The following PDCD6IP variants were observed in gnomAD, a reference collection of about 807,000 sequenced individuals.
PDCD6IP encodes the protein programmed cell death 6-interacting protein.
Under a neutral mutation model 103.7 loss-of-function variants are expected in PDCD6IP, and 43 were observed. That is an observed-to-expected ratio of 0.41 (90% CI 0.32 to 0.53). The LOEUF is 0.53. PDCD6IP is among the 20% of genes least tolerant of loss of function. The pLI, the probability that PDCD6IP is intolerant of heterozygous loss-of-function variation, is 0.16. For missense variants in PDCD6IP, 871 were observed against 1,036.7 expected (o/e 0.84, Z 2.20); for synonymous variants, 354 against 378.7 (o/e 0.93, Z 0.76).
At chr3:33,822,226 C>T (rs1575913574) in intron 4 of PDCD6IP, 144 bp downstream of exon 4, 1 of 831,302 alleles carries the variant, frequency 1.2e-6, no homozygotes, top group African/African-American at 1.7e-5. Context: ...TTTATTCTTA[C>T]TGTTAAAGCC....
At chr3:33,833,652 T>G (rs933483480) in intron 7 of PDCD6IP, among the ~76,000 whole-genome samples, 2 of 152,186 alleles carry the variant, frequency 1.3e-5, no homozygotes, top group Non-Finnish European at 2.9e-5. Context: ...CTTAAGTGTT[T>G]TAGTTTAGTT....
At chr3:33,833,587 C>A (rs1392653427) in intron 7 of PDCD6IP, among the ~76,000 whole-genome samples, 1 of 152,128 alleles carries the variant, frequency 6.6e-6, no homozygotes, top group Non-Finnish European at 1.5e-5. Flanking sequence ...TTGGCTATCA[C>A]TCACTCTGGT....
At chr3:33,857,037 A>G (rs528369772) in intron 15 of PDCD6IP, among the ~76,000 whole-genome samples, 10 of 152,200 alleles carry the variant, frequency 6.6e-5, no homozygotes, top group Non-Finnish European at 1.3e-4. Context: ...GTTCATGTTC[A>G]TTCACCTCTC....
chr3:33,835,940 T>G (rs1422071891), intron 7 of PDCD6IP, 104 bp from the exon 8 acceptor site: 21 of 682,990 alleles, frequency 3.1e-5, no homozygotes, highest in Admixed American at 1.7e-4. Context: ...GTCTTCAGAT[T>G]AAAGATTTTT....
chr3:33,807,864 T>G (rs559826598), intron 1 of PDCD6IP, among the ~76,000 whole-genome samples: 18 of 152,328 alleles, frequency 1.2e-4, no homozygotes, highest in African/African-American at 4.1e-4. Context: ...AATATCACTG[T>G]TCAGAAAAAG....
chr3:33,813,668 A>C, intron 3 of PDCD6IP, 40 bp downstream of exon 3: 2 of 1,130,732 alleles, frequency 1.8e-6, no homozygotes, highest in East Asian at 4.7e-5. Flanking sequence ...AAATTGGTCT[A>C]ACTACTTTGC....
intron 4 of PDCD6IP, 71 bp from the exon 5 acceptor site, chr3:33,825,116 C>G (rs370498995): frequency 1.5e-6 from 2 of 1,328,482 alleles, no homozygotes; most frequent in East Asian, 4.6e-5. Flanking sequence ...TTTGAAATGA[C>G]TTTTATATGT....
At chr3:33,833,875 C>T (rs116837285) in intron 7 of PDCD6IP, among the ~76,000 whole-genome samples, 2,330 of 152,204 alleles carry the variant, frequency 0.015, 25 homozygotes, top group South Asian at 0.026. Context: ...GTTAGCTTTA[C>T]AAGCATCATT....
chr3:33,805,304 G>A (rs867328767), intron 1 of PDCD6IP, among the ~76,000 whole-genome samples: 2 of 148,120 alleles, frequency 1.4e-5, no homozygotes, highest in Non-Finnish European at 3.0e-5. Flanking sequence ...GCAGTGAGCC[G>A]AGATCACACC....
intron 15 of PDCD6IP, among the ~76,000 whole-genome samples, chr3:33,857,098 G>A (rs369218718): frequency 6.6e-6 from 1 of 152,010 alleles, no homozygotes; most frequent in African/African-American, 2.4e-5. Context: ...ACAAAGAGCA[G>A]GTTAGTTGTT....
intron 7 of PDCD6IP, among the ~76,000 whole-genome samples, chr3:33,834,675 T>C (rs569127007): frequency 6.6e-6 from 1 of 152,152 alleles, no homozygotes; most frequent in East Asian, 1.9e-4. Flanking sequence ...TTTTAACTTA[T>C]TATTTTGGAG....
Position 33,855,423 on chromosome 3 carries a change from C to T in PDCD6IP, c.2120+163C>T, listed in dbSNP as rs1307536970. The T allele has an allele frequency of 1.3e-5, 6 of 460,722 alleles. No homozygotes were observed. In the East Asian group the frequency reaches 2.2e-4, roughly 17 times the overall value. 28.5% of individuals were successfully genotyped at this position (460,722 alleles called of 1,614,324 possible). A position where few individuals can be genotyped will look rare whatever the true frequency, so the allele number is the denominator to read the frequency against. ...TTACAAAGCAACAAGTAAACAGCTG[C>T]ATAATCTGGGAATGAAAGGATGAAA... is the stretch of plus-strand genomic sequence containing the variant. On this transcript the variant is annotated intron_variant, in intron 15 of 17. Transcript: ENST00000307296.
exon 18 of PDCD6IP, chr3:33,869,699 TCTTA>T (rs1186640387): frequency 9.8e-5 from 15 of 152,328 alleles, no homozygotes; most frequent in African/African-American, 2.6e-4. Flanking sequence ...GTTGAAAGAT[TCTTA>T]CTTCTTTGGA....
At chr3:33,825,090 G>A in intron 4 of PDCD6IP, 97 bp from the exon 5 acceptor site, 1 of 1,018,052 alleles carries the variant, frequency 9.8e-7, no homozygotes, top group Non-Finnish European at 1.5e-6. Context: ...TATATTAACT[G>A]TTCACTGAGT....
chr3:33,858,978 T>G (rs1697891253), intron 15 of PDCD6IP, among the ~76,000 whole-genome samples: 1 of 151,920 alleles, frequency 6.6e-6, no homozygotes, highest in African/African-American at 2.4e-5. Context: ...AGAAACAAGG[T>G]CAGCCAGGAA....
Position 33,828,980 on chromosome 3 carries a change from T to C in PDCD6IP, c.834+11T>C. 2.6e-6 allele frequency: 4 copies of C among 1,564,068 alleles called. No homozygotes were observed. Among genetic ancestry groups the C allele is most frequent in the Non-Finnish European group, 3.5e-6 (4 of 1,155,706 alleles). On this transcript the variant is annotated intron_variant, in intron 7 of 17. Transcript: ENST00000307296. ...ATTGCAAGGTTACAGGTGAGTCTCT[T>C]GGTAATAAATATTTAAGTAACTAAC...
chr3:33,835,414 G>A, intron 7 of PDCD6IP: 2 of 425,600 alleles, frequency 4.7e-6, no homozygotes, highest in Non-Finnish European at 9.4e-6. Context: ...TTCTTTGGAT[G>A]TAGAAATAAC....
chr3:33,814,205 C>T (rs1696780941), intron 3 of PDCD6IP, among the ~76,000 whole-genome samples: 1 of 149,538 alleles, frequency 6.7e-6, no homozygotes, highest in African/African-American at 2.5e-5. Context: ...AGTGCAGTGG[C>T]ACGATCTTGG....
intron 9 of PDCD6IP, among the ~76,000 whole-genome samples, chr3:33,841,083 A>G (rs1302095924): frequency 1.4e-5 from 2 of 144,618 alleles, no homozygotes; most frequent in South Asian, 2.1e-4. Flanking sequence ...GCTGGAATGC[A>G]GTGGTGAGAT....
Sources: allele counts gnomAD v4.1 joint callset (sites outside exome capture counted in the v4.1 genomes callset), GRCh38; gene constraint gnomAD v4.1.1; transcripts MANE v1.5; gene names NCBI Gene and HGNC (gene_info 2026-07-23, HGNC 2026-07-21).